Variants in ZNF385D observed in about 807,000 individuals in gnomAD.
The protein encoded by ZNF385D is zinc finger protein 659.
Under a neutral mutation model 35.8 loss-of-function variants are expected in ZNF385D, and 15 were observed. That is an observed-to-expected ratio of 0.42 (90% confidence interval 0.28 to 0.64). The LOEUF is 0.64. ZNF385D is among the 30% of genes least tolerant of loss of function. ZNF385D has a pLI of 0.23. For synonymous variants in ZNF385D, 212 were observed against 186.8 expected (o/e 1.13, Z -1.10); for missense variants, 474 against 494.6 (o/e 0.96, Z 0.39).
At chr3:21,504,855 T>C (rs1175251030) in intron 4 of ZNF385D, among the ~76,000 whole-genome samples, 1 of 152,024 alleles carries the variant, frequency 6.6e-6, no homozygotes, top group Non-Finnish European at 1.5e-5. Flanking sequence ...TCTGAATGGG[T>C]AAGAGATGTG....
At chr3:21,637,490 A>G (rs753716173) in intron 2 of ZNF385D, among the ~76,000 whole-genome samples, 16 of 152,100 alleles carry the variant, frequency 1.1e-4, no homozygotes, top group Non-Finnish European at 1.6e-4. Flanking sequence ...TACCAGTACC[A>G]TGCTGTTTTG....
intron 3 of ZNF385D, among the ~76,000 whole-genome samples, chr3:21,877,547 G>A (rs779036): frequency 0.65 from 98,425 of 151,916 alleles, 32,259 homozygotes; most frequent in African/African-American, 0.7. Flanking sequence ...ACGACTGGTG[G>A]TAATTGATTC....
At chr3:21,876,615 T>G (rs1697986781) in intron 3 of ZNF385D, among the ~76,000 whole-genome samples, 1 of 151,962 alleles carries the variant, frequency 6.6e-6, no homozygotes, top group Admixed American at 6.6e-5. Flanking sequence ...TGGGTAAATA[T>G]GAAGAACAGA....
intron 2 of ZNF385D, among the ~76,000 whole-genome samples, chr3:22,174,134 C>A (rs1052419966): frequency 1.3e-5 from 2 of 151,924 alleles, no homozygotes; most frequent in African/African-American, 4.8e-5. Context: ...ATTGCAACTC[C>A]CACAATCATT....
At chr3:21,692,953 C>G (rs1027582176) in intron 1 of ZNF385D, among the ~76,000 whole-genome samples, 1 of 152,152 alleles carries the variant, frequency 6.6e-6, no homozygotes, top group African/African-American at 2.4e-5. Flanking sequence ...AAGGTAATCA[C>G]TATTTTAAAT....
chr3:22,263,939 G>T (rs997670224), intron 2 of ZNF385D, among the ~76,000 whole-genome samples: 9 of 152,054 alleles, frequency 5.9e-5, no homozygotes, highest in Non-Finnish European at 1.3e-4. Flanking sequence ...GCCTTAAAAG[G>T]TTAAAAATTA....
chr3:21,534,158 C>T (rs577106441), intron 3 of ZNF385D, among the ~76,000 whole-genome samples: 26 of 151,980 alleles, frequency 1.7e-4, no homozygotes, highest in Middle Eastern at 3.4e-3. Flanking sequence ...AAAAATCACA[C>T]ATCTAATAAG....
chr3:21,672,548 T>C (rs1241253861), intron 1 of ZNF385D, among the ~76,000 whole-genome samples: 1 of 152,100 alleles, frequency 6.6e-6, no homozygotes, highest in Admixed American at 6.6e-5. Flanking sequence ...TGGAGCTCCA[T>C]TCTGGAAATA....
chr3:22,174,025 A>AAC (rs10569895), intron 2 of ZNF385D, among the ~76,000 whole-genome samples: 12,381 of 149,866 alleles, frequency 0.083, 524 homozygotes, highest in Middle Eastern at 0.2. Context: ...TTTACACACA[A>AAC]ACACACACAC....
intron 1 of ZNF385D, among the ~76,000 whole-genome samples, chr3:21,732,030 G>GTTTTTTTTTTTTTTTTTTTTTTTTTTT (rs1214143626): frequency 2.7e-5 from 1 of 37,398 alleles, no homozygotes; most frequent in Non-Finnish European, 5.6e-5. Context: ...TTTTTTCGGG[G>GTTTTTTTTTTTTTTTTTTTTTTTTTTT]TTTTTTTTTT....
chr3:21,691,999 C>T (rs1298376162), intron 1 of ZNF385D, among the ~76,000 whole-genome samples: 2 of 152,152 alleles, frequency 1.3e-5, no homozygotes, highest in Non-Finnish European at 2.9e-5. Flanking sequence ...TTTGTCTTTA[C>T]CTTACTCCAC....
chr3:22,213,542 A>G (rs1697660837), intron 2 of ZNF385D, among the ~76,000 whole-genome samples: 1 of 152,098 alleles, frequency 6.6e-6, no homozygotes, highest in African/African-American at 2.4e-5. Context: ...ACCAAAGCAC[A>G]GGATAAACAC....
At chr3:21,801,719 C>A (rs906432199) in intron 3 of ZNF385D, among the ~76,000 whole-genome samples, 17 of 152,086 alleles carry the variant, frequency 1.1e-4, no homozygotes, top group Non-Finnish European at 2.2e-4. Context: ...CCTGGGTGCC[C>A]ACAGAAACAT....
At chr3:22,116,747 T>G (rs1166645256) in intron 3 of ZNF385D, among the ~76,000 whole-genome samples, 1 of 152,076 alleles carries the variant, frequency 6.6e-6, no homozygotes, top group African/African-American at 2.4e-5. Flanking sequence ...GACACATTTA[T>G]TCCACAAAGC....
intron 2 of ZNF385D, among the ~76,000 whole-genome samples, chr3:21,648,532 GAA>G (rs1199764583): frequency 6.6e-6 from 1 of 152,186 alleles, no homozygotes; most frequent in East Asian, 1.9e-4. Context: ...AAGAGGGGAA[GAA>G]AGATGGGAGA....
At chr3:21,698,857 C>A (rs928202471) in intron 1 of ZNF385D, among the ~76,000 whole-genome samples, 25 of 151,956 alleles carry the variant, frequency 1.6e-4, no homozygotes, top group African/African-American at 3.9e-4. Context: ...GCTGGAGAGG[C>A]TGTGGAGAAA....
intron 4 of ZNF385D, among the ~76,000 whole-genome samples, chr3:21,485,526 C>A (rs952890147): frequency 9.9e-5 from 15 of 152,200 alleles, no homozygotes; most frequent in Middle Eastern, 3.4e-3. Flanking sequence ...ATCATTTCTG[C>A]TCTTGCTAGG....
chr3:21,473,484 G>A (rs1319251287), intron 4 of ZNF385D, among the ~76,000 whole-genome samples: 1 of 152,040 alleles, frequency 6.6e-6, no homozygotes, highest in African/African-American at 2.4e-5. Flanking sequence ...TTTATGTGTG[G>A]TTGTTTTCTA....
intron 3 of ZNF385D, among the ~76,000 whole-genome samples, chr3:21,853,336 A>C (rs1415030537): frequency 6.6e-6 from 1 of 151,808 alleles, no homozygotes; most frequent in African/African-American, 2.4e-5. Context: ...TGGTTTTAAA[A>C]CATTTTTTAG....
Sources: allele counts gnomAD v4.1 joint callset (sites outside exome capture counted in the v4.1 genomes callset), GRCh38; gene constraint gnomAD v4.1.1; transcripts MANE v1.5; gene names NCBI Gene and HGNC (gene_info 2026-07-23, HGNC 2026-07-21).